The following RIN2 variants were observed in gnomAD, a reference collection of about 807,000 sequenced individuals.
The protein encoded by RIN2 is RAB5 interacting protein 2.
Under a neutral mutation model 78.0 loss-of-function variants are expected in RIN2, and 36 were observed. The ratio of observed to expected loss-of-function variants is 0.46; its 90% CI spans 0.35 to 0.61. The LOEUF (loss-of-function observed/expected upper bound fraction) is 0.61. RIN2 is among the 20% of genes least tolerant of loss of function. The pLI, the probability that RIN2 is intolerant of heterozygous loss-of-function variation, is 0.00. For missense variants in RIN2, 1,087 were observed against 1,159.7 expected (o/e 0.94, Z 0.91); for synonymous variants, 466 against 466.8 (o/e 1.00, Z 0.02).
intron 4 of RIN2, among the ~76,000 whole-genome samples, chr20:19,949,124 A>G (rs2041214655): frequency 6.6e-6 from 1 of 152,188 alleles, no homozygotes; most frequent in Non-Finnish European, 1.5e-5. Context: ...ACTAAAAAAA[A>G]TACAAACATT....
chr20:19,903,535 G>A (rs371784943), intron 3 of RIN2, among the ~76,000 whole-genome samples: 4 of 152,124 alleles, frequency 2.6e-5, no homozygotes, highest in East Asian at 1.9e-4. Context: ...GTTCTGTTCC[G>A]GGACAGCTGG....
At chr20:19,904,240 AATATAT>A (rs1194516982) in intron 3 of RIN2, among the ~76,000 whole-genome samples, 1 of 91,708 alleles carries the variant, frequency 1.1e-5, no homozygotes, top group South Asian at 3.2e-4. Flanking sequence ...TCAAAAAAAA[AATATAT>A]ATATATATAT....
At chr20:19,879,803 G>A (rs2037964845) in intron 2 of RIN2, among the ~76,000 whole-genome samples, 1 of 152,070 alleles carries the variant, frequency 6.6e-6, no homozygotes, top group Admixed American at 6.5e-5. Flanking sequence ...TTGGCTAGTG[G>A]ACTTGTAGAG....
chr20:19,915,130 G>T (rs2039631136), intron 3 of RIN2, among the ~76,000 whole-genome samples: 1 of 152,174 alleles, frequency 6.6e-6, no homozygotes, highest in East Asian at 1.9e-4. Flanking sequence ...CATTGTTTGG[G>T]TTCCTCCAGT....
At chr20:19,816,703 A>G (rs2145103) in intron 2 of RIN2, among the ~76,000 whole-genome samples, 46,144 of 152,050 alleles carry the variant, frequency 0.3, 7,352 homozygotes, top group African/African-American at 0.4. Flanking sequence ...AAGCCTGATC[A>G]AATATTTCCT....
chr20:19,876,703 A>G (rs1247947628), intron 2 of RIN2, among the ~76,000 whole-genome samples: 1 of 152,138 alleles, frequency 6.6e-6, no homozygotes, highest in Non-Finnish European at 1.5e-5. Context: ...TCAGGAGTTC[A>G]AGACCAGCCT....
chr20:19,892,667 G>A (rs1057429532), intron 3 of RIN2, among the ~76,000 whole-genome samples: 5 of 152,116 alleles, frequency 3.3e-5, no homozygotes, highest in Admixed American at 6.6e-5. Context: ...GTGAGCCACC[G>A]CACCCAGCCT....
At chr20:19,844,689 TTCC>T (rs1327322751) in intron 2 of RIN2, among the ~76,000 whole-genome samples, 683 of 17,030 alleles carry the variant, frequency 0.04, 24 homozygotes, top group South Asian at 0.14. Flanking sequence ...CTTCTTCCTC[TTCC>T]TCTTCCTCTT....
chr20:19,959,006 T>C (rs2146249920), intron 5 of RIN2, among the ~76,000 whole-genome samples: 1 of 152,326 alleles, frequency 6.6e-6, no homozygotes, highest in South Asian at 2.1e-4. Flanking sequence ...TTAATTATTC[T>C]ACAATCTAAG....
At chr20:19,958,561 G>A (rs1191184608) in intron 5 of RIN2, among the ~76,000 whole-genome samples, 2 of 152,242 alleles carry the variant, frequency 1.3e-5, no homozygotes, top group Non-Finnish European at 2.9e-5. Context: ...ACGTGGACCA[G>A]GACAGTCAAG....
chr20:19,934,240 G>T (rs181322880), intron 3 of RIN2, among the ~76,000 whole-genome samples: 1 of 152,012 alleles, frequency 6.6e-6, no homozygotes, highest in African/African-American at 2.4e-5. Flanking sequence ...TAATGGACCT[G>T]TTACCTGTTA....
intron 4 of RIN2, 83 bp downstream of exon 4, chr20:19,935,282 C>T: frequency 1.5e-6 from 2 of 1,349,706 alleles, no homozygotes; most frequent in East Asian, 2.5e-5. Context: ...CTTGCAGTCA[C>T]TCCTCAGAAG....
chr20:19,766,896 C>T lies in RIN2; in HGVS notation c.-163+8569C>T, dbSNP rs575756701. Reference sequence around the variant, plus strand: ...CACTGCACTCCAGCCTGGGCAATAGCGTGAGACTCCATCTCAGAAAAAAAA... The same window carrying T: ...CACTGCACTCCAGCCTGGGCAATAGTGTGAGACTCCATCTCAGAAAAAAAA... On this transcript the variant is annotated intron_variant, in intron 1 of 12. Coordinates refer to ENST00000255006, the MANE Select transcript of RIN2 (RefSeq NM_018993.4). Among the ~76,000 whole-genome samples, 12 of 145,016 alleles carry T rather than the reference C, an allele frequency of 8.3e-5. No individual in the cohort carries two copies. The South Asian group carries it at 2.0e-3, about 24-fold the overall frequency.
chr20:19,817,171 C>T (rs890638941), intron 2 of RIN2, among the ~76,000 whole-genome samples: 1 of 152,176 alleles, frequency 6.6e-6, no homozygotes, highest in African/African-American at 2.4e-5. Context: ...GAAGTAAATA[C>T]CAACTGGGTT....
intron 3 of RIN2, among the ~76,000 whole-genome samples, chr20:19,912,969 C>A (rs1001626289): frequency 6.6e-6 from 1 of 152,334 alleles, no homozygotes; most frequent in East Asian, 1.9e-4. Context: ...TCAGTCCATG[C>A]GCATGGGTCC....
chr20:19,797,818 C>CA (rs2035105483), intron 1 of RIN2, among the ~76,000 whole-genome samples: 3 of 150,962 alleles, frequency 2.0e-5, no homozygotes, highest in Non-Finnish European at 4.4e-5. Flanking sequence ...ACTAAATAAT[C>CA]TGCAATGGAC....
chr20:19,999,042 A>C (rs2043058901), intron 12 of RIN2, among the ~76,000 whole-genome samples: 1 of 152,030 alleles, frequency 6.6e-6, no homozygotes, highest in African/African-American at 2.4e-5. Context: ...AATGTTCAGC[A>C]CTCGGCTCAG....
At chr20:19,849,296 G>A (rs1020728355) in intron 2 of RIN2, among the ~76,000 whole-genome samples, 1 of 152,144 alleles carries the variant, frequency 6.6e-6, no homozygotes, top group Non-Finnish European at 1.5e-5. Flanking sequence ...CCTCGATACT[G>A]ACCAACTATC....
intron 2 of RIN2, among the ~76,000 whole-genome samples, chr20:19,844,484 G>T (rs906929384): frequency 2.6e-5 from 4 of 152,152 alleles, no homozygotes; most frequent in African/African-American, 9.7e-5. Flanking sequence ...TACTGCAGGG[G>T]ACACAAGCTC....
Sources: allele counts gnomAD v4.1 joint callset (sites outside exome capture counted in the v4.1 genomes callset), GRCh38; gene constraint gnomAD v4.1.1; transcripts MANE v1.5; gene names NCBI Gene and HGNC (gene_info 2026-07-23, HGNC 2026-07-21).